ARHGAP10: variants seen among roughly 807,000 people sequenced by gnomAD.
ARHGAP10 encodes the protein rho GTPase-activating protein 10.
In ARHGAP10, 87 loss-of-function variants were observed where a neutral mutation model predicts 108.6. The ratio of observed to expected loss-of-function variants is 0.80; its 90% confidence interval spans 0.67 to 0.96. ARHGAP10 has a LOEUF of 0.96. Among genes scored for constraint, ARHGAP10 ranks in the 40% least tolerant of loss-of-function variants. The pLI is 0.00. For synonymous variants in ARHGAP10, 347 were observed against 341.1 expected (o/e 1.02, Z -0.19); for missense variants, 939 against 954.5 (o/e 0.98, Z 0.21).
chr4:148,024,498 T>C (rs1741691940), intron 19 of ARHGAP10, among the ~76,000 whole-genome samples: 1 of 152,216 alleles, frequency 6.6e-6, no homozygotes, highest in Non-Finnish European at 1.5e-5. Context: ...TCAGCTTACC[T>C]GACTTAGAGG....
intron 19 of ARHGAP10, among the ~76,000 whole-genome samples, chr4:148,043,646 TATATA>T (rs1728738299): frequency 9.0e-6 from 1 of 111,166 alleles, no homozygotes; most frequent in African/African-American, 3.4e-5. Flanking sequence ...TATATATATA[TATATA>T]TTTTAGGTGT....
At chr4:148,056,589 A>G (rs1729374645) in intron 20 of ARHGAP10, among the ~76,000 whole-genome samples, 1 of 151,318 alleles carries the variant, frequency 6.6e-6, no homozygotes, top group African/African-American at 2.4e-5. Flanking sequence ...ATCTTACAGA[A>G]CTGTGGTACC....
At chr4:147,766,204 C>A (rs901889770) in intron 1 of ARHGAP10, among the ~76,000 whole-genome samples, 3 of 151,678 alleles carry the variant, frequency 2.0e-5, no homozygotes, top group Non-Finnish European at 4.4e-5. Flanking sequence ...GCAGGAGAAT[C>A]GCTTGACCCT....
At chr4:147,880,974 C>T (rs933168983) in intron 9 of ARHGAP10, among the ~76,000 whole-genome samples, 1 of 152,160 alleles carries the variant, frequency 6.6e-6, no homozygotes, top group Non-Finnish European at 1.5e-5. Context: ...GTTAATCTAC[C>T]TTTGAAAATT....
chr4:147,884,486 C>T (rs1362032173), intron 10 of ARHGAP10, among the ~76,000 whole-genome samples: 1 of 152,176 alleles, frequency 6.6e-6, no homozygotes, highest in African/African-American at 2.4e-5. Context: ...ATTAAAGAGG[C>T]ATAGGGGCCT....
chr4:148,015,894 T>C (rs1741327154), intron 18 of ARHGAP10, among the ~76,000 whole-genome samples: 2 of 152,212 alleles, frequency 1.3e-5, no homozygotes, highest in South Asian at 4.1e-4. Context: ...AGCTGTCTTC[T>C]GGAAGTACCT....
At chr4:147,914,556 T>TTCCC (rs1736882401) in intron 13 of ARHGAP10, among the ~76,000 whole-genome samples, 1 of 120,122 alleles carries the variant, frequency 8.3e-6, no homozygotes, top group Non-Finnish European at 1.7e-5. Flanking sequence ...TGTTCTGCGC[T>TTCCC]CCCCCCCCCC....
At chr4:147,839,138 A>G (rs111740200) in intron 3 of ARHGAP10, among the ~76,000 whole-genome samples, 4,124 of 128,104 alleles carry the variant, frequency 0.032, 128 homozygotes, top group African/African-American at 0.084. Context: ...CTATCTATCT[A>G]TCTATCTGTC....
intron 10 of ARHGAP10, among the ~76,000 whole-genome samples, chr4:147,884,886 G>C (rs974384903): frequency 6.6e-6 from 1 of 152,230 alleles, no homozygotes; most frequent in Non-Finnish European, 1.5e-5. Context: ...GCAGGGCAGT[G>C]AGTGACAATT....
At chr4:147,788,846 C>G (rs1731001384) in intron 1 of ARHGAP10, among the ~76,000 whole-genome samples, 1 of 152,200 alleles carries the variant, frequency 6.6e-6, no homozygotes. Context: ...AACATTCATG[C>G]TTTATTAAGC....
intron 1 of ARHGAP10, among the ~76,000 whole-genome samples, chr4:147,786,512 A>G (rs188438534): frequency 2.0e-3 from 308 of 152,302 alleles, no homozygotes; most frequent in Non-Finnish European, 3.5e-3. Flanking sequence ...CCCTTAACCC[A>G]GATACTTTCC....
chr4:147,790,563 G>A (rs1731076570), intron 1 of ARHGAP10, among the ~76,000 whole-genome samples: 1 of 152,160 alleles, frequency 6.6e-6, no homozygotes, highest in Non-Finnish European at 1.5e-5. Context: ...TTTTCTACCT[G>A]CTTGTCCAGT....
intron 14 of ARHGAP10, chr4:147,946,318 G>GAT (rs1192840348): frequency 6.7e-6 from 2 of 298,898 alleles, no homozygotes; most frequent in Non-Finnish European, 1.2e-5. Flanking sequence ...GATGATAATA[G>GAT]CTATACATGA....
At position 148,072,164 on chromosome 4, in the gene ARHGAP10, TG is replaced by T; in HGVS notation, c.*86del. On this transcript the variant is annotated 3_prime_UTR_variant, in exon 23 of 23. Transcript: ENST00000336498. ...GAGCTGTCTTCCTCCTCCGAGGCTCTGGGCTGCACCCACAGGTACCTCCACA... is the reference window on the plus strand; with the variant it reads ...GAGCTGTCTTCCTCCTCCGAGGCTCTGGCTGCACCCACAGGTACCTCCACA... 1 of 1,099,056 alleles carries T rather than the reference TG, an allele frequency of 9.1e-7. No homozygotes were observed. The highest frequency in any genetic ancestry group is 4.2e-5 in the East Asian group (1 of 24,040). 68.1% of individuals were successfully genotyped at this position (1,099,056 alleles called of 1,614,324 possible).
intron 18 of ARHGAP10, among the ~76,000 whole-genome samples, chr4:147,985,012 T>C (rs1739979476): frequency 6.6e-6 from 1 of 152,178 alleles, no homozygotes; most frequent in Admixed American, 6.5e-5. Context: ...GAGATGTGCC[T>C]AGGTGTGGAG....
chr4:147,966,739 G>T lies in ARHGAP10; in HGVS notation c.1616G>T (p.Gly539Val). The T allele has an allele frequency of 5.6e-6, 9 of 1,601,936 alleles. No individual in the cohort carries two copies. The highest frequency in any genetic ancestry group is 6.8e-6 in the Non-Finnish European group (8 of 1,171,782). ...GTGGCAAACTTAGGAGTGGTGTTTGGACCAACTCTGATGAGGCCACAGGAA... is the reference window on the plus strand; with the variant it reads ...GTGGCAAACTTAGGAGTGGTGTTTGTACCAACTCTGATGAGGCCACAGGAA... ...MTVANLGVVFGPTLMRPQEET... is the reference protein window; with the variant it reads ...MTVANLGVVFVPTLMRPQEET... The change falls in exon 18 of 23, where the codon GGA (glycine) becomes GTA (valine). Residue 539 changes from glycine (G) to valine (V), a missense_variant. Transcript: ENST00000336498.
At chr4:147,856,636 G>A (rs370422245) in intron 4 of ARHGAP10, among the ~76,000 whole-genome samples, 2 of 152,100 alleles carry the variant, frequency 1.3e-5, no homozygotes, top group East Asian at 1.9e-4. Context: ...TGAATTTCAC[G>A]TTTAGACTTA....
intron 19 of ARHGAP10, among the ~76,000 whole-genome samples, chr4:148,039,368 A>ATTTTTT (rs34876546): frequency 4.8e-4 from 35 of 73,090 alleles, no homozygotes; most frequent in African/African-American, 6.2e-4. Context: ...TACTACTTCA[A>ATTTTTT]TTTTTTTTTT....
chr4:147,906,483 C>T lies in ARHGAP10; in HGVS notation c.1035-155C>T, dbSNP rs190325943. On this transcript the variant is annotated intron_variant, in intron 10 of 22. Transcript: ENST00000336498. ...TGAACATATTTAATGCCATTGAACT[C>T]TACACTTAAAAATCGTTAAGATGAT... is the stretch of plus-strand genomic sequence containing the variant. 4.6e-5 allele frequency among the ~76,000 whole-genome samples: 7 copies of T among 152,110 alleles called. No individual in the cohort carries two copies. The East Asian group carries it at 1.4e-3, about 29-fold the overall frequency.
Sources: allele counts gnomAD v4.1 joint callset (sites outside exome capture counted in the v4.1 genomes callset), GRCh38; gene constraint gnomAD v4.1.1; transcripts MANE v1.5; gene names NCBI Gene and HGNC (gene_info 2026-07-23, HGNC 2026-07-21).